LRRC9: variants seen among roughly 807,000 people sequenced by gnomAD.
The protein encoded by LRRC9 is leucine rich repeat containing 9.
Under a neutral mutation model 63.2 loss-of-function variants are expected in LRRC9, and 122 were observed. That is an observed-to-expected ratio of 1.93 (90% CI 1.67 to 2.24). The LOEUF is 2.24. LRRC9 is among the 30% of genes most tolerant of loss of function. LRRC9 has a pLI of 0.00. For synonymous variants in LRRC9, 366 were observed against 213.1 expected, an observed-to-expected ratio of 1.72 and a Z score of -6.25; for missense variants, 1,071 against 627.7, an observed-to-expected ratio of 1.71 and a Z score of -7.55.
intron 29 of LRRC9, among the ~76,000 whole-genome samples, chr14:60,050,865 AC>A (rs1893837448): frequency 6.6e-6 from 1 of 152,120 alleles, no homozygotes; most frequent in Non-Finnish European, 1.5e-5. Flanking sequence ...TCCACCGCAG[AC>A]CCTAATTGCC....
Position 59,962,402 on chromosome 14 carries a change from A to G in LRRC9, c.1211+1357A>G, listed in dbSNP as rs181338033. Among the ~76,000 whole-genome samples the G allele has an allele frequency of 3.1e-4, 47 of 151,918 alleles. No homozygotes were observed. The highest frequency in any genetic ancestry group is 3.4e-3 in the Middle Eastern group (1 of 292). On this transcript the variant is annotated intron_variant, in intron 10 of 31. Transcript: ENST00000445360. This position sits in a 1 kb window ranked among gnomAD's most constrained non-coding sequence, Gnocchi z 5.1. ...GTGCACATTTATATTCACTCAACCT[A>G]AACAGGATTTTTTTTTTTTGAGATA...
chr14:60,000,504 G>C (rs1477983085), intron 19 of LRRC9, among the ~76,000 whole-genome samples: 3 of 152,056 alleles, frequency 2.0e-5, no homozygotes, highest in African/African-American at 7.2e-5. Flanking sequence ...TTAAGACAAT[G>C]TGGTATTGGC....
rs77881909 is a variant in LRRC9, at chr14:59,988,645, T to A, written c.2211+3421T>A. 2.5e-3 allele frequency among the ~76,000 whole-genome samples: 374 copies of A among 152,246 alleles called. 1 individual carries two copies. The highest frequency in any genetic ancestry group is 8.7e-3 in the African/African-American group (362 of 41,562). ...AAAAATTTTGTGTATGTTCTTCCCA[T>A]TCTTCCCCATTTTAAAAAATAATTA... On this transcript the variant is annotated intron_variant, in intron 17 of 31. Coordinates refer to ENST00000445360, the Ensembl canonical transcript of LRRC9.
chr14:59,982,105 T>G (rs1886994044), intron 16 of LRRC9, 45 bp downstream of exon 16: 2 of 665,154 alleles, frequency 3.0e-6, no homozygotes, highest in Non-Finnish European at 5.4e-6. Flanking sequence ...AATCTTGAAT[T>G]TGGAATCAGA....
chr14:60,057,172 A>G (rs561559734), intron 30 of LRRC9, among the ~76,000 whole-genome samples: 1 of 152,294 alleles, frequency 6.6e-6, no homozygotes, highest in African/African-American at 2.4e-5. Flanking sequence ...TCATATGTTC[A>G]GAATTCACAC....
chr14:59,920,793 T>C (rs1164376543), intron 1 of LRRC9, among the ~76,000 whole-genome samples: 2 of 152,264 alleles, frequency 1.3e-5, no homozygotes, highest in East Asian at 3.8e-4. Flanking sequence ...CATTATACTC[T>C]GGTCATGGAG....
intron 9 of LRRC9, 84 bp downstream of exon 9, chr14:59,960,098 C>A: frequency 1.8e-6 from 1 of 546,044 alleles, no homozygotes; most frequent in South Asian, 2.6e-5. Context: ...CCCTAGTTCC[C>A]TTCTTCAGGA....
intron 8 of LRRC9, among the ~76,000 whole-genome samples, chr14:59,956,592 A>G (rs528458390): frequency 7.1e-4 from 108 of 151,938 alleles, no homozygotes; most frequent in Non-Finnish European, 1.3e-3. Context: ...TCTTTATCCA[A>G]TTTGCCAGTC....
At chr14:60,011,507 C>T (rs1019504158) in intron 23 of LRRC9, among the ~76,000 whole-genome samples, 1 of 152,172 alleles carries the variant, frequency 6.6e-6, no homozygotes, top group Non-Finnish European at 1.5e-5. Context: ...ATAATATAAA[C>T]CCTATAGGAT....
chr14:59,929,010 A>T (rs1235562887), intron 3 of LRRC9, among the ~76,000 whole-genome samples: 1 of 152,062 alleles, frequency 6.6e-6, no homozygotes, highest in Non-Finnish European at 1.5e-5. Context: ...ACATAAGAAC[A>T]GGCAAAGATT....
At chr14:59,995,210 T>A (rs1290831136) in intron 17 of LRRC9, among the ~76,000 whole-genome samples, 1 of 152,124 alleles carries the variant, frequency 6.6e-6, no homozygotes, top group Non-Finnish European at 1.5e-5. Context: ...CAAATTGAAA[T>A]GTAATAAGCT....
intron 17 of LRRC9, among the ~76,000 whole-genome samples, chr14:59,985,453 T>C (rs769521569): frequency 9.9e-5 from 15 of 152,218 alleles, no homozygotes; most frequent in Non-Finnish European, 1.6e-4. Context: ...AATCATTACA[T>C]TGTACACCTT....
chr14:59,977,433 C>T lies in LRRC9; in HGVS notation c.1762+86C>T, dbSNP rs1207810236. The T allele has an allele frequency of 1.1e-5, 6 of 538,276 alleles. 1 individual carries two copies. The highest frequency in any genetic ancestry group is 1.6e-5 in the Non-Finnish European group (5 of 307,542). The allele number at this position is 538,276 out of a possible 1,614,324, so 33.3% of individuals were successfully genotyped here. ...AATACGGATACTCACAATTTTATTT[C>T]TACTTAACAAAGTTTGTAGAATTTT... On this transcript the variant is annotated intron_variant, in intron 14 of 31. Coordinates refer to ENST00000445360, the Ensembl canonical transcript of LRRC9.
chr14:60,016,767 A>T, exon 24 of LRRC9: 1 of 697,312 alleles, frequency 1.4e-6, no homozygotes. Flanking sequence ...TGCAAGAACT[A>T]AATTGGACTT....
chr14:59,955,608 A>AT lies in LRRC9; in HGVS notation c.883-4203dup, dbSNP rs199813355. 4.0e-3 allele frequency among the ~76,000 whole-genome samples: 610 copies of AT among 151,970 alleles called. 20 individuals are homozygous for AT. In the East Asian group the frequency reaches 0.058, roughly 15 times the overall value. ...AAAAAACCAGCTCTGGGATTCATTG[A>AT]TTTTTTTGAAGGGTTTTTCATGTCT... On this transcript the variant is annotated intron_variant, in intron 8 of 31. Transcript: ENST00000445360.
chr14:59,983,507 T>C (rs1251568493), intron 16 of LRRC9, among the ~76,000 whole-genome samples: 1 of 152,218 alleles, frequency 6.6e-6, no homozygotes, highest in Admixed American at 6.5e-5. Flanking sequence ...GAGAGATTTA[T>C]AGAAAGAGGT....
intron 29 of LRRC9, among the ~76,000 whole-genome samples, chr14:60,037,889 T>G (rs767783189): frequency 6.6e-5 from 10 of 152,212 alleles, no homozygotes; most frequent in Non-Finnish European, 1.2e-4. Context: ...CTAGGGTTTT[T>G]ATGGTTTTAG....
rs1889479245 is a variant in LRRC9 at position 60,002,646 on chromosome 14, C to A, written c.2664+546C>A. 1.3e-5 allele frequency among the ~76,000 whole-genome samples: 2 copies of A among 152,032 alleles called. 1 individual carries two copies. Among genetic ancestry groups the A allele is most frequent in the South Asian group, 4.2e-4 (2 of 4,812 alleles). On this transcript the variant is annotated intron_variant, in intron 20 of 31. Transcript: ENST00000445360. ...TTGTTATTATTAGTAAAAAGTAATACATTTGTCATATTCCAAAAAATAAAA... is the reference window on the plus strand; with the variant it reads ...TTGTTATTATTAGTAAAAAGTAATAAATTTGTCATATTCCAAAAAATAAAA...
intron 9 of LRRC9, among the ~76,000 whole-genome samples, chr14:59,960,557 T>A (rs1884245898): frequency 6.6e-6 from 1 of 152,236 alleles, no homozygotes; most frequent in African/African-American, 2.4e-5. Context: ...ACATGTATTT[T>A]GTATGTAACT....
Sources: gnomAD v4.1 joint callset for allele counts (sites outside exome capture counted in the v4.1 genomes callset) on GRCh38, gnomAD v4.1.1 for gene constraint, Gnocchi (gnomAD v3.1) non-coding constraint, MANE v1.5 for transcripts, NCBI Gene and HGNC (gene_info 2026-07-23, HGNC 2026-07-21) for gene names.